The following CCAR1 variants were observed in gnomAD, a reference collection of about 807,000 sequenced individuals.
CCAR1 encodes the protein cell division cycle and apoptosis regulator 1.
In CCAR1, 78 loss-of-function variants were observed where a neutral mutation model predicts 163.8. That is an observed-to-expected ratio of 0.48 (90% confidence interval 0.40 to 0.57). The LOEUF is 0.57. CCAR1 is among the 20% of genes least tolerant of loss of function. The pLI is 0.00. For synonymous variants in CCAR1, 443 were observed against 460.7 expected, an observed-to-expected ratio of 0.96 and a Z score of 0.49; for missense variants, 1,019 against 1,365.2, an observed-to-expected ratio of 0.75 and a Z score of 4.00.
At chr10:68,783,818 C>T (rs530484749) in intron 19 of CCAR1, among the ~76,000 whole-genome samples, 8 of 151,608 alleles carry the variant, frequency 5.3e-5, no homozygotes, top group African/African-American at 1.2e-4. Context: ...AGTGCAGTGG[C>T]GCGATCTCAG....
chr10:68,786,532 C>T lies in CCAR1; in HGVS notation c.2734-14C>T. ...AATTTGAATACTATGTTTTCTACTT[C>T]TCCATTTTCTTAGGAAAAAGAAAAG... On this transcript the variant is annotated splice_polypyrimidine_tract_variant and intron_variant, in intron 20 of 24. Transcript: ENST00000265872. 1 of 1,545,602 alleles carries T rather than the reference C, an allele frequency of 6.5e-7. No homozygotes were observed. Among genetic ancestry groups the T allele is most frequent in the Middle Eastern group, 1.7e-4 (1 of 5,772 alleles).
At chr10:68,789,664 GA>G in intron 23 of CCAR1, 45 bp from the exon 24 acceptor site, 2 of 1,147,622 alleles carry the variant, frequency 1.7e-6, no homozygotes, top group Non-Finnish European at 2.5e-6. Flanking sequence ...AGTTAAATTT[GA>G]AATTTTAGGA....
chr10:68,722,670 A>T, intron 2 of CCAR1, 93 bp downstream of exon 2: 1 of 927,470 alleles, frequency 1.1e-6, no homozygotes, highest in Non-Finnish European at 1.7e-6. Flanking sequence ...CACGCCTGTT[A>T]TCCTAGCACT....
In CCAR1 at chr10:68,788,273, C is replaced by G; in HGVS notation, c.3132C>G (p.Ser1044Arg). 6.3e-7 allele frequency: 1 copy of G among 1,596,154 alleles called. No individual in the cohort carries two copies. The highest frequency in any genetic ancestry group is 8.5e-7 in the Non-Finnish European group (1 of 1,174,534). Residue 1044 changes from serine to arginine, a missense_variant, in exon 23 of 25, where the codon AGC becomes AGG. Ser to Arg is a moderately radical substitution (Grantham distance 110, BLOSUM62 -1). This residue lies in a region of CCAR1 where 358 missense variants were observed against 406.4 expected (regional missense o/e 0.88). Coordinates refer to ENST00000265872, the MANE Select transcript of CCAR1 (RefSeq NM_018237.4). ...VGSLLQKLEK[S>R]EKVRAEVEQK... ...GCCTCTTGCAAAAATTGGAAAAGAG[C>G]GAAAAAGTAAGAGCTGAGGTAGAAC...
intron 10 of CCAR1, among the ~76,000 whole-genome samples, chr10:68,751,956 G>A (rs568578123): frequency 8.0e-5 from 11 of 137,974 alleles, no homozygotes; most frequent in East Asian, 6.4e-4. Flanking sequence ...TTGCTCTGTC[G>A]CCCAGGCTGG....
Position 68,742,893 on chromosome 10 carries a change from C to T in CCAR1, c.518+324C>T, listed in dbSNP as rs375889477. ...TCAGCTTCCCAAGGTGCTGGGATTA[C>T]AGGCGTGAGACACTGCGCCTGGCCA... On this transcript the variant is annotated intron_variant, in intron 6 of 24. Coordinates refer to ENST00000265872, the MANE Select transcript of CCAR1 (RefSeq NM_018237.4). Among the ~76,000 whole-genome samples the T allele has an allele frequency of 6.6e-5, 10 of 152,306 alleles. No homozygotes were observed. The South Asian group carries it at 1.4e-3, about 22-fold the overall frequency.
chr10:68,738,108 G>A (rs573584657), intron 4 of CCAR1, among the ~76,000 whole-genome samples: 1 of 152,094 alleles, frequency 6.6e-6, no homozygotes, highest in African/African-American at 2.4e-5. Flanking sequence ...AGTCTTTGTC[G>A]CATGTTTCTA....
intron 19 of CCAR1, among the ~76,000 whole-genome samples, chr10:68,784,436 C>G (rs932013939): frequency 6.6e-5 from 10 of 152,074 alleles, no homozygotes; most frequent in African/African-American, 2.4e-4. Flanking sequence ...TGGTCTCAAA[C>G]TCCTGACCTT....
In CCAR1 at chr10:68,722,443, T is replaced by A; in HGVS notation, c.-50-12T>A. 2 of 1,325,082 alleles carry A rather than the reference T, an allele frequency of 1.5e-6. No individual in the cohort carries two copies. Among genetic ancestry groups the A allele is most frequent in the Non-Finnish European group, 2.2e-6 (2 of 916,896 alleles). 82.1% of individuals were successfully genotyped at this position (1,325,082 alleles called of 1,614,324 possible). ...TGGTTGGACTTTAAAATGTGGATCC[T>A]TTTCTTGATAGATCGATGCTATAGA... On this transcript the variant is annotated splice_polypyrimidine_tract_variant and intron_variant, in intron 1 of 24. Coordinates refer to ENST00000265872, the MANE Select transcript of CCAR1 (RefSeq NM_018237.4).
At chr10:68,742,684 C>T (rs938856790) in intron 6 of CCAR1, 115 bp downstream of exon 6, 5 of 795,246 alleles carry the variant, frequency 6.3e-6, no homozygotes, top group East Asian at 2.5e-5. Context: ...AATCTCAAGT[C>T]GACTCACTGC....
chr10:68,748,129 C>T (rs1363340397), intron 8 of CCAR1, among the ~76,000 whole-genome samples: 2 of 152,224 alleles, frequency 1.3e-5, no homozygotes, highest in Admixed American at 6.5e-5. Flanking sequence ...ACTGGGATTA[C>T]AGGCTTGAGC....
At chr10:68,742,254 C>T (rs1370050578) in intron 5 of CCAR1, 122 bp from the exon 6 acceptor site, 20 of 669,150 alleles carry the variant, frequency 3.0e-5, no homozygotes, top group Non-Finnish European at 4.9e-5. Context: ...TCAAGATGTA[C>T]ATGTATATCT....
At position 68,747,141 on chromosome 10, in the gene CCAR1, T is replaced by C. The variant is rs766620915; in HGVS notation, c.519-20T>C. ...TAATTGTATTTATATTTAACTTTTTTTTTCTTTTTTTTTTTACAGTGCTGT... is the reference window on the plus strand; with the variant it reads ...TAATTGTATTTATATTTAACTTTTTCTTTCTTTTTTTTTTTACAGTGCTGT... On this transcript the variant is annotated intron_variant, in intron 6 of 24. Transcript: ENST00000265872. 7.5e-7 allele frequency: 1 copy of C among 1,337,768 alleles called. No individual in the cohort carries two copies. The highest frequency in any genetic ancestry group is 1.3e-5 in the South Asian group (1 of 74,428). The allele number at this position is 1,337,768 out of a possible 1,614,324, so 82.9% of individuals were successfully genotyped here. A position where few individuals can be genotyped will look rare whatever the true frequency, so the allele number is the denominator to read the frequency against.
rs1293346556 is a variant in CCAR1, at chr10:68,758,542, GTGTA to G, written c.1920+1167_1920+1170del. ...TGTGTGTGTGTGTGTGTGTGTGTGT[GTGTA>G]TACAGTGTATACATATATATATGTA... On this transcript the variant is annotated intron_variant, in intron 15 of 24. Transcript: ENST00000265872. Among the ~76,000 whole-genome samples the G allele has an allele frequency of 2.5e-3, 349 of 140,456 alleles. 2 individuals carry two copies. The highest frequency in any genetic ancestry group is 3.7e-3 in the Admixed American group (52 of 14,072). 92.1% of individuals were successfully genotyped at this position (140,456 alleles called of 152,430 possible). A position where few individuals can be genotyped will look rare whatever the true frequency, so the allele number is the denominator to read the frequency against.
Position 68,722,718 on chromosome 10 carries a change from T to A in CCAR1, c.73+141T>A, listed in dbSNP as rs907403347. ...GGAGGTGGATCACGAGGTCAGGAGTTCGTAACCAGCCTGGCCAACATGGTG... is the reference window on the plus strand; with the variant it reads ...GGAGGTGGATCACGAGGTCAGGAGTACGTAACCAGCCTGGCCAACATGGTG... On this transcript the variant is annotated intron_variant, in intron 2 of 24. Coordinates refer to ENST00000265872, the MANE Select transcript of CCAR1 (RefSeq NM_018237.4). 9.7e-6 allele frequency: 6 copies of A among 621,534 alleles called. No individual in the cohort carries two copies. In the African/African-American group the frequency reaches 1.1e-4, roughly 11 times the overall value. 38.5% of individuals were successfully genotyped at this position (621,534 alleles called of 1,614,324 possible).
chr10:68,763,791 G>A (rs530762771), intron 16 of CCAR1, among the ~76,000 whole-genome samples: 65 of 152,276 alleles, frequency 4.3e-4, no homozygotes, highest in Non-Finnish European at 8.4e-4. Flanking sequence ...AGAGTTGGAC[G>A]GTGGGAGTTC....
At chr10:68,763,471 G>A (rs377020355) in intron 16 of CCAR1, among the ~76,000 whole-genome samples, 9 of 151,294 alleles carry the variant, frequency 5.9e-5, no homozygotes, top group East Asian at 1.9e-4. Context: ...TTTTTGAGAC[G>A]GAGTCTCTCT....
At chr10:68,726,313 G>A (rs1454862116) in intron 2 of CCAR1, among the ~76,000 whole-genome samples, 7 of 151,946 alleles carry the variant, frequency 4.6e-5, no homozygotes, top group Admixed American at 1.3e-4. Context: ...CAGCAAGCCC[G>A]GCTGATTTTT....
intron 6 of CCAR1, among the ~76,000 whole-genome samples, chr10:68,744,138 G>A (rs917756729): frequency 2.6e-5 from 4 of 152,118 alleles, no homozygotes; most frequent in Admixed American, 2.0e-4. Flanking sequence ...GCACACCTCA[G>A]CCCTGCAAAG....
Sources: allele counts gnomAD v4.1 joint callset (sites outside exome capture counted in the v4.1 genomes callset), GRCh38; gene constraint gnomAD v4.1.1; regional missense constraint gnomAD v4.1.1; transcripts MANE v1.5; gene names NCBI Gene and HGNC (gene_info 2026-07-23, HGNC 2026-07-21).